Variants in NAV2 observed in about 807,000 individuals in gnomAD.
The protein encoded by NAV2 is helicase, APC down-regulated 1.
A neutral mutation model predicts 223.2 loss-of-function variants in NAV2; 54 were observed. That is an observed-to-expected ratio of 0.24 (90% CI 0.19 to 0.30). The LOEUF (loss-of-function observed/expected upper bound fraction) is 0.30, where lower values mean the gene tolerates loss of function less well. Among genes scored for constraint, NAV2 ranks in the 10% least tolerant of loss-of-function variants. The probability of loss-of-function intolerance (pLI) is 1.00; values close to 1 mark genes in which losing one functional copy is unlikely to be tolerated. For synonymous variants in NAV2, 1,279 were observed against 1,239.3 expected (o/e 1.03, Z -0.67); for missense variants, 2,806 against 3,147.5 (o/e 0.89, Z 2.60).
intron 1 of NAV2, among the ~76,000 whole-genome samples, chr11:19,610,927 C>T (rs909572127): frequency 2.0e-5 from 3 of 152,128 alleles, no homozygotes; most frequent in African/African-American, 7.2e-5. Context: ...TCGTCTTTCT[C>T]CAGGCTCAGC....
At chr11:19,527,972 A>ACACACACACACAC (rs1565018537) in intron 1 of NAV2, among the ~76,000 whole-genome samples, 5 of 150,586 alleles carry the variant, frequency 3.3e-5, no homozygotes, top group African/African-American at 9.8e-5. Context: ...ACACACACAC[A>ACACACACACACAC]ATCCTGGGAA....
At chr11:19,721,135 T>C (rs990965075) in intron 1 of NAV2, among the ~76,000 whole-genome samples, 39 of 152,356 alleles carry the variant, frequency 2.6e-4, no homozygotes, top group African/African-American at 8.7e-4. Flanking sequence ...CCTTCTTAAA[T>C]AGCAAGTGTG....
chr11:19,737,668 G>T (rs1215209743), intron 1 of NAV2, among the ~76,000 whole-genome samples: 5 of 152,198 alleles, frequency 3.3e-5, no homozygotes, highest in Non-Finnish European at 4.4e-5. Context: ...GAAAAATGGA[G>T]ATAAGAGTTC....
At chr11:19,887,061 G>A (rs1291424267) in intron 5 of NAV2, among the ~76,000 whole-genome samples, 3 of 152,102 alleles carry the variant, frequency 2.0e-5, no homozygotes, top group African/African-American at 7.2e-5. Flanking sequence ...AAGCACAGCA[G>A]TAAAGTTTGG....
chr11:19,777,869 G>GAA (rs1242823201), intron 1 of NAV2: 4 of 455,778 alleles, frequency 8.8e-6, no homozygotes, highest in Non-Finnish European at 1.3e-5. Flanking sequence ...CCTGTCCCGG[G>GAA]ACAGCGTGGT....
chr11:19,445,600 C>T (rs1851554503), intron 1 of NAV2, among the ~76,000 whole-genome samples: 2 of 152,124 alleles, frequency 1.3e-5, no homozygotes, highest in Admixed American at 1.3e-4. Context: ...TCTCTCGAGC[C>T]ACATCCATTT....
chr11:19,825,719 A>G (rs2059614906), intron 1 of NAV2, among the ~76,000 whole-genome samples: 1 of 152,246 alleles, frequency 6.6e-6, no homozygotes, highest in African/African-American at 2.4e-5. Context: ...TTGGTTTAAC[A>G]TGGTACAATT....
intron 1 of NAV2, among the ~76,000 whole-genome samples, chr11:19,582,050 T>C (rs568315922): frequency 5.2e-4 from 79 of 152,338 alleles, no homozygotes; most frequent in African/African-American, 1.7e-3. Context: ...TTTTAATGAT[T>C]GCCATTCTAA....
At chr11:20,056,823 T>C (rs997435664) in intron 19 of NAV2, among the ~76,000 whole-genome samples, 1 of 152,230 alleles carries the variant, frequency 6.6e-6, no homozygotes, top group Non-Finnish European at 1.5e-5. Flanking sequence ...TGCCTCTGTT[T>C]TTTCATGGAT....
At chr11:20,034,316 C>A (rs935032626) in intron 11 of NAV2, among the ~76,000 whole-genome samples, 2 of 151,044 alleles carry the variant, frequency 1.3e-5, no homozygotes, top group African/African-American at 4.9e-5. Flanking sequence ...TTATTGTCTA[C>A]GTGACTTCTC....
chr11:19,648,402 C>A (rs1299922136), intron 1 of NAV2, among the ~76,000 whole-genome samples: 2 of 152,156 alleles, frequency 1.3e-5, no homozygotes, highest in Non-Finnish European at 2.9e-5. Context: ...TGCAAACATG[C>A]CAAATGAGAG....
intron 24 of NAV2, among the ~76,000 whole-genome samples, 169 bp from the exon 25 acceptor site, chr11:20,079,895 C>G (rs1174368060): frequency 6.6e-6 from 1 of 152,204 alleles, no homozygotes; most frequent in South Asian, 2.1e-4. Context: ...GGGCAATGCA[C>G]TCACCTATTC....
chr11:19,823,038 T>C (rs73435648), intron 1 of NAV2, among the ~76,000 whole-genome samples: 5,378 of 152,224 alleles, frequency 0.035, 270 homozygotes, highest in African/African-American at 0.12. Flanking sequence ...AAACAGTATG[T>C]GCTCTTACTT....
chr11:20,107,815 C>A, intron 36 of NAV2, 33 bp downstream of exon 36: 1 of 1,404,954 alleles, frequency 7.1e-7, no homozygotes, highest in South Asian at 1.2e-5. Context: ...TTCCTTGAAG[C>A]TGAGGGGGAC....
At chr11:20,025,483 G>T (rs1445469354) in intron 11 of NAV2, among the ~76,000 whole-genome samples, 1 of 152,138 alleles carries the variant, frequency 6.6e-6, no homozygotes, top group Non-Finnish European at 1.5e-5. Context: ...TGTAGCTGAG[G>T]TCAGCAGACA....
At position 20,097,660 on chromosome 11, in the gene NAV2, G is replaced by A; in HGVS notation, c.6096G>A (p.Lys2032=). The change falls in exon 31 of 38, where the codon AAG becomes AAA. Residue 2032 remains lysine (K), a synonymous_variant. Coordinates refer to ENST00000349880, the MANE Select transcript of NAV2 (RefSeq NM_145117.5). ...TTGGCTACAGCATTGGAGAAATCAAGCGCAGCAACACTTCCGAAACACCGG... is the reference window on the plus strand; with the variant it reads ...TTGGCTACAGCATTGGAGAAATCAAACGCAGCAACACTTCCGAAACACCGG... ...SVLGYSIGEI[K]RSNTSETPEL... 6.2e-7 allele frequency: 1 copy of A among 1,613,716 alleles called. No homozygotes were observed. Among genetic ancestry groups the A allele is most frequent in the Non-Finnish European group, 8.5e-7 (1 of 1,179,922 alleles).
intron 6 of NAV2, among the ~76,000 whole-genome samples, chr11:19,924,674 C>A (rs1475457135): frequency 3.9e-5 from 6 of 152,164 alleles, no homozygotes; most frequent in Non-Finnish European, 8.8e-5. Context: ...CTCCACCATG[C>A]ATAGAAGAAG....
In NAV2 at chr11:20,041,036, C is replaced by T. The variant is rs544423742; in HGVS notation, c.2908-2945C>T. Among the ~76,000 whole-genome samples, 26 of 152,214 alleles carry T rather than the reference C, an allele frequency of 1.7e-4. No individual in the cohort carries two copies. The East Asian group carries it at 2.1e-3, about 12-fold the overall frequency. On this transcript the variant is annotated intron_variant, in intron 12 of 37. Transcript: ENST00000349880. ...CACATTCCCAGGCCAGGGGCATGTG[C>T]GCTGTCTCTGCCACTGATGGAAATG...
In NAV2 at chr11:20,045,354, C is replaced by A. The variant is rs376440735; in HGVS notation, c.3586C>A (p.Pro1196Thr). The change falls in exon 14 of 38, where the codon CCC becomes ACC. Residue 1196 changes from proline to threonine, a missense_variant. By Grantham distance (38) the Pro-to-Thr change is conservative (BLOSUM62 -1). Transcript: ENST00000349880. ...TNLQYRSLPR[P>T]SKSNSRNGAG... ...CCTTCAGTACCGGAGTTTGCCGAGG[C>A]CCAGTAAGTCCAACAGCCGGAACGG... 23 of 1,614,136 alleles carry A rather than the reference C, an allele frequency of 1.4e-5. No homozygotes were observed. Among genetic ancestry groups the A allele is most frequent in the Non-Finnish European group, 1.9e-5 (23 of 1,180,024 alleles).
Sources: gnomAD v4.1 joint callset for allele counts (sites outside exome capture counted in the v4.1 genomes callset) on GRCh38, gnomAD v4.1.1 for gene constraint, MANE v1.5 for transcripts, NCBI Gene and HGNC (gene_info 2026-07-23, HGNC 2026-07-21) for gene names.